PIDD1: variants seen among roughly 807,000 people sequenced by gnomAD.
The protein encoded by PIDD1 is p53-induced death domain protein 1.
A neutral mutation model predicts 80.0 loss-of-function variants in PIDD1; 72 were observed. That is an observed-to-expected ratio of 0.90 (90% CI 0.74 to 1.09). PIDD1 has a LOEUF of 1.09. Ranked by LOEUF, PIDD1 falls within the 50% of genes least tolerant of loss-of-function variation. PIDD1 has a pLI of 0.00. For synonymous variants in PIDD1, 655 were observed against 543.5 expected, an observed-to-expected ratio of 1.21 and a Z score of -2.85; for missense variants, 1,329 against 1,228.3, an observed-to-expected ratio of 1.08 and a Z score of -1.23.
In PIDD1 at chr11:804,157, G is replaced by A. The variant is rs758301088; in HGVS notation, c.232C>T (p.Leu78=). Residue 78 remains leucine, a synonymous_variant, in exon 2 of 16, where the codon CTG becomes TTG. Transcript: ENST00000347755. ...RLSTHEDPQL[L]EATLAQLPQS... is the part of the protein sequence containing the mutation. ...GGCAGCTGGGCCAGGGTGGCCTCCAGCAGCTGAGGGTCCTCGTGAGTGCTC... is the reference window on the plus strand; with the variant it reads ...GGCAGCTGGGCCAGGGTGGCCTCCAACAGCTGAGGGTCCTCGTGAGTGCTC... The A allele has an allele frequency of 2.5e-6, 4 of 1,613,190 alleles. No individual in the cohort carries two copies. The East Asian group carries it at 6.7e-5, about 27-fold the overall frequency.
rs537670259 is a variant in PIDD1 at position 805,221 on chromosome 11, G to C, written c.-118C>G. Reference sequence around the variant, plus strand: ...CGCAAAGGGTGGCTGCTCAGCGGGCGCTCGGCGCCTGGGATCCCGCCGGCG... The same window carrying C: ...CGCAAAGGGTGGCTGCTCAGCGGGCCCTCGGCGCCTGGGATCCCGCCGGCG... On this transcript the variant is annotated 5_prime_UTR_variant, in exon 1 of 16. Coordinates refer to ENST00000347755, the MANE Select transcript of PIDD1 (RefSeq NM_145886.4). 1 of 983,386 alleles carries C rather than the reference G, an allele frequency of 1.0e-6. No individual in the cohort carries two copies. Among genetic ancestry groups the C allele is most frequent in the South Asian group, 4.7e-5 (1 of 21,270 alleles). The allele number at this position is 983,386 out of a possible 1,614,324, so 60.9% of individuals were successfully genotyped here.
upstream of PIDD1, among the ~76,000 whole-genome samples, chr11:806,674 C>G (rs1268592127): frequency 2.6e-5 from 4 of 152,058 alleles, no homozygotes; most frequent in Non-Finnish European, 5.9e-5. Context: ...GCTCCACCTC[C>G]AGGGTTCACA....
chr11:805,732 A>C, upstream of PIDD1: 1 of 964,136 alleles, frequency 1.0e-6, no homozygotes, highest in Non-Finnish European at 1.2e-6. Flanking sequence ...CTTTCGAGCC[A>C]TCACTCTGGG....
rs756631652 is a variant in PIDD1 at position 802,789 on chromosome 11, C to T, written c.812G>A (p.Arg271Lys). Residue 271 changes from arginine (R) to lysine (K), a missense_variant, in exon 4 of 16, where the codon AGG (arginine) becomes AAG (lysine). Physicochemically the swap from Arg to Lys is conservative, Grantham distance 26 (BLOSUM62 2). Coordinates refer to ENST00000347755, the MANE Select transcript of PIDD1 (RefSeq NM_145886.4). ...GGGCAGGTCCCGGAGCTGGTTGTCC[C>T]TCAGGTCGAGCCGGGTGAGGAGTGG... ...RLPLLTRLDL[R>K]DNQLRDLPPE... The T allele has an allele frequency of 6.8e-6, 11 of 1,606,812 alleles. No individual in the cohort carries two copies. In the East Asian group the frequency reaches 1.8e-4, roughly 26 times the overall value.
chr11:799,371 G>A lies in PIDD1; in HGVS notation c.2669C>T (p.Ala890Val). The A allele has an allele frequency of 1.2e-6, 2 of 1,611,574 alleles. No homozygotes were observed. The highest frequency in any genetic ancestry group is 1.7e-6 in the Non-Finnish European group (2 of 1,179,840). Residue 890 changes from alanine to valine, a missense_variant, in exon 16 of 16, where the codon GCC becomes GTC. Physicochemically the swap from Ala to Val is moderately conservative, Grantham distance 64. Transcript: ENST00000347755. ...YQDSIRRMGLAPKDPALPGSS... is the reference protein window; with the variant it reads ...YQDSIRRMGLVPKDPALPGSS... ...GCCAGGCAGAGCGGGGTCCTTGGGG[G>A]CCAAGCCCATGCGTCGGATGCTGTC...
chr11:803,564 C>G lies in PIDD1; in HGVS notation c.319G>C (p.Gly107Arg), dbSNP rs750062727. ...GTCAGGGCACCCCGGAGACAGGCAC[C>G]CAGTGTGTCCCGGCGTTGCCCTCCT... is the stretch of plus-strand genomic sequence containing the variant. ...LKGGQRRDTLGACLRGALTNL... is the reference protein window; with the variant it reads ...LKGGQRRDTLRACLRGALTNL... Residue 107 changes from glycine to arginine, a missense_variant, in exon 3 of 16, where the codon GGT becomes CGT. By Grantham distance (125) the Gly-to-Arg change is moderately radical. Coordinates refer to ENST00000347755, the MANE Select transcript of PIDD1 (RefSeq NM_145886.4). 6.2e-7 allele frequency: 1 copy of G among 1,611,122 alleles called. No homozygotes were observed. The highest frequency in any genetic ancestry group is 1.1e-5 in the South Asian group (1 of 90,970).
chr11:805,185 T>G lies in PIDD1; in HGVS notation c.-82A>C. The G allele has an allele frequency of 2.0e-6, 2 of 983,186 alleles. No individual in the cohort carries two copies. The highest frequency in any genetic ancestry group is 1.2e-6 in the Non-Finnish European group (1 of 828,076). 60.9% of individuals were successfully genotyped at this position (983,186 alleles called of 1,614,324 possible). A position where few individuals can be genotyped will look rare whatever the true frequency, so the allele number is the denominator to read the frequency against. On this transcript the variant is annotated 5_prime_UTR_variant, in exon 1 of 16. Transcript: ENST00000347755. ...CGCCCAGGCCGGCGCGTACCTGCGC[T>G]GCAGGCGGCGCGCAAAGGGTGGCTG...
Position 800,672 on chromosome 11 carries a change from G to T in PIDD1, c.1918-6C>A, listed in dbSNP as rs1447238338. 1.3e-6 allele frequency: 2 copies of T among 1,577,120 alleles called. No individual in the cohort carries two copies. The highest frequency in any genetic ancestry group is 1.3e-5 in the African/African-American group (1 of 74,416). On this transcript the variant is annotated splice_polypyrimidine_tract_variant and splice_region_variant and intron_variant, in intron 11 of 15. Transcript: ENST00000347755. Reference sequence around the variant, plus strand: ...CGCCGAAGGGTGGCGTCCACCTGCGGGGAAGCCCGTGCAGCTCAGGACCCA... The same window carrying T: ...CGCCGAAGGGTGGCGTCCACCTGCGTGGAAGCCCGTGCAGCTCAGGACCCA...
chr11:804,634 G>A, intron 1 of PIDD1, 171 bp from the exon 2 acceptor site: 1 of 575,914 alleles, frequency 1.7e-6, no homozygotes, highest in Non-Finnish European at 2.8e-6. Context: ...GGTCACCACT[G>A]GAAAGAGGGT....
chr11:803,673 G>T, intron 2 of PIDD1, 86 bp from the exon 3 acceptor site: 2 of 1,470,718 alleles, frequency 1.4e-6, no homozygotes, highest in Non-Finnish European at 1.8e-6. Context: ...ACAGCTGCTC[G>T]AGAGGCACAG....
chr11:803,981 C>T (rs1030043997), intron 2 of PIDD1, 113 bp downstream of exon 2: 94 of 1,216,118 alleles, frequency 7.7e-5, no homozygotes, highest in Middle Eastern at 2.8e-4. Flanking sequence ...CCTGGGGAGC[C>T]GGGAGGGGCG....
Position 802,379 on chromosome 11 carries a change from T to G in PIDD1, c.992A>C (p.Gln331Pro), listed in dbSNP as rs10902221. 2 of 1,611,726 alleles carry G rather than the reference T, an allele frequency of 1.2e-6. No individual in the cohort carries two copies. The highest frequency in any genetic ancestry group is 1.7e-6 in the Non-Finnish European group (2 of 1,179,786). ...SDLDSFPVTP[Q>P]GCSVTLACGV... The stretch of plus-strand genomic sequence containing the variant: ...ACAGGCCAGGGTCACTGAGCAGCCT[T>G]GAGGGGTCACAGGAAAGCTGAGTGA... The change falls in exon 6 of 16, where the codon CAA becomes CCA. Residue 331 changes from glutamine (Q) to proline (P), a missense_variant. Coordinates refer to ENST00000347755, the MANE Select transcript of PIDD1 (RefSeq NM_145886.4).
rs1051214162 is a variant in PIDD1, at chr11:800,919, G to C, written c.1767-7C>G. 1 of 1,594,154 alleles carries C rather than the reference G, an allele frequency of 6.3e-7. No individual in the cohort carries two copies. Among genetic ancestry groups the C allele is most frequent in the Admixed American group, 1.8e-5 (1 of 56,804 alleles). On this transcript the variant is annotated splice_polypyrimidine_tract_variant and splice_region_variant and intron_variant, in intron 10 of 15. Coordinates refer to ENST00000347755, the MANE Select transcript of PIDD1 (RefSeq NM_145886.4). ...GGTGTACCAGAGCCAGTACCTGGGA[G>C]AGCTGGGGGTGAGGAGGGCTGTACA...
chr11:799,985 C>G lies in PIDD1; in HGVS notation c.2304G>C (p.Arg768=). Reference sequence around the variant, plus strand: ...AGGGTGCCAAGGAGAGGCCAGCCCCCCGCCGTGGCCCCTCGGACCCTCGAA... The same window carrying G: ...AGGGTGCCAAGGAGAGGCCAGCCCCGCGCCGTGGCCCCTCGGACCCTCGAA... The part of the protein sequence containing the change: ...PRLRGSEGPR[R]GAGLSLAPLN... The change falls in exon 15 of 16, where the codon CGG becomes CGC. Residue 768 remains arginine (R), a synonymous_variant. Coordinates refer to ENST00000347755, the MANE Select transcript of PIDD1 (RefSeq NM_145886.4). 6.2e-7 allele frequency: 1 copy of G among 1,612,816 alleles called. No homozygotes were observed. The highest frequency in any genetic ancestry group is 8.5e-7 in the Non-Finnish European group (1 of 1,179,912).
At chr11:808,373 G>A (rs534412709), upstream of PIDD1, among the ~76,000 whole-genome samples, 1 of 152,030 alleles carries the variant, frequency 6.6e-6, no homozygotes, top group South Asian at 2.1e-4. Context: ...GTTGCAGTGA[G>A]CCAAGATCTC....
chr11:801,187 G>T (rs1439724085), intron 9 of PIDD1, 31 bp downstream of exon 9: 2 of 1,544,098 alleles, frequency 1.3e-6, no homozygotes, highest in Non-Finnish European at 1.7e-6. Flanking sequence ...TATGGCCACA[G>T]GTCCAGGTAT....
At position 799,300 on chromosome 11, in the gene PIDD1, G is replaced by T. The variant is rs1206772606; in HGVS notation, c.*7C>A. The T allele has an allele frequency of 6.3e-7, 1 of 1,579,332 alleles. No individual in the cohort carries two copies. ...AATATCTGGGCCAGCCTAAAAGTCT[G>T]TGGGGCCTAGGCCTGGGCAGGCTCT... On this transcript the variant is annotated 3_prime_UTR_variant, in exon 16 of 16. Transcript: ENST00000347755.
chr11:803,883 G>T, intron 2 of PIDD1: 1 of 654,046 alleles, frequency 1.5e-6, no homozygotes, highest in Non-Finnish European at 2.6e-6. Context: ...GGGTCCAGGA[G>T]CCAGGGCCCA....
In PIDD1 at chr11:799,937, G is replaced by A. The variant is rs780181772; in HGVS notation, c.2352C>T (p.Thr784=). Residue 784 remains threonine, a synonymous_variant, in exon 15 of 16, where the codon ACC becomes ACT. Coordinates refer to ENST00000347755, the MANE Select transcript of PIDD1 (RefSeq NM_145886.4). ...GCAGGTTGCTCTGCGTCAGAAAGCC[G>A]GTCTCGGCATCTCCCAGATTCAAGG... The part of the protein sequence containing the change: ...LAPLNLGDAE[T]GFLTQSNLLS... 2.0e-5 allele frequency: 33 copies of A among 1,612,676 alleles called. No homozygotes were observed. The highest frequency in any genetic ancestry group is 3.3e-4 in the Middle Eastern group (2 of 6,084).
Sources: allele counts gnomAD v4.1 joint callset (sites outside exome capture counted in the v4.1 genomes callset), GRCh38; gene constraint gnomAD v4.1.1; transcripts MANE v1.5; gene names NCBI Gene and HGNC (gene_info 2026-07-23, HGNC 2026-07-21).